Variants in LHFPL3 observed in about 807,000 individuals in gnomAD.
The protein encoded by LHFPL3 is LHFPL tetraspan subfamily member 3, also known as LHFPL tetraspan subfamily member 3 protein.
In LHFPL3, 5 loss-of-function variants were observed where a neutral mutation model predicts 19.3. That is an observed-to-expected ratio of 0.26 (90% CI 0.14 to 0.54). The LOEUF (loss-of-function observed/expected upper bound fraction) is 0.54. Ranked by LOEUF, LHFPL3 falls within the 20% of genes least tolerant of loss-of-function variation. The pLI is 0.94. For missense variants in LHFPL3, 249 were observed against 307.4 expected (o/e 0.81, Z 1.42); for synonymous variants, 133 against 126.2 (o/e 1.05, Z -0.36).
intron 1 of LHFPL3, among the ~76,000 whole-genome samples, chr7:104,709,280 AG>A (rs1462623839): frequency 8.6e-5 from 12 of 138,852 alleles, no homozygotes; most frequent in Admixed American, 2.3e-4. Context: ...TTTCTCGGAG[AG>A]GGGGATTTGG....
chr7:104,461,568 T>C (rs930042859), intron 1 of LHFPL3, among the ~76,000 whole-genome samples: 7 of 152,182 alleles, frequency 4.6e-5, no homozygotes, highest in African/African-American at 1.7e-4. Context: ...TCTATGTGTG[T>C]GTTTTTATAC....
chr7:104,578,253 A>G lies in LHFPL3; in HGVS notation c.446-158422A>G, dbSNP rs76782271. 1.7e-4 allele frequency among the ~76,000 whole-genome samples: 26 copies of G among 152,334 alleles called. No homozygotes were observed. In the East Asian group the frequency reaches 4.8e-3, roughly 28 times the overall value. On this transcript the variant is annotated intron_variant, in intron 1 of 2. Transcript: ENST00000424859. ...TTTTCTCCAGGTGTGGGTAACTCCT[A>G]GAGAGCCCGCTGCTTAGCTGCGCTG...
intron 1 of LHFPL3, among the ~76,000 whole-genome samples, chr7:104,487,731 C>T (rs913908995): frequency 6.6e-6 from 1 of 152,190 alleles, no homozygotes; most frequent in Non-Finnish European, 1.5e-5. Flanking sequence ...TAACATTGAT[C>T]TTTTCTTGTC....
intron 2 of LHFPL3, among the ~76,000 whole-genome samples, chr7:104,784,721 T>C (rs992722579): frequency 3.9e-5 from 6 of 152,214 alleles, no homozygotes; most frequent in Non-Finnish European, 8.8e-5. Context: ...CATTGACAGA[T>C]GAATGAATAA....
At chr7:104,488,362 T>C (rs914164577) in intron 1 of LHFPL3, among the ~76,000 whole-genome samples, 14 of 152,236 alleles carry the variant, frequency 9.2e-5, no homozygotes, top group African/African-American at 3.4e-4. Context: ...TCCCTGTTGC[T>C]CTTTAGGGAG....
At chr7:104,775,267 G>A (rs986558648) in intron 2 of LHFPL3, among the ~76,000 whole-genome samples, 1 of 152,044 alleles carries the variant, frequency 6.6e-6, no homozygotes, top group East Asian at 1.9e-4. Context: ...ATTGTGGCAG[G>A]CGCCTGTAAT....
At chr7:104,652,308 G>A (rs1472940662) in intron 1 of LHFPL3, among the ~76,000 whole-genome samples, 1 of 152,214 alleles carries the variant, frequency 6.6e-6, no homozygotes, top group East Asian at 1.9e-4. Context: ...GCATTGAAGG[G>A]CCAGTGGGGG....
intron 1 of LHFPL3, among the ~76,000 whole-genome samples, chr7:104,586,366 A>G (rs1421641651): frequency 2.6e-5 from 4 of 152,050 alleles, no homozygotes; most frequent in African/African-American, 4.8e-5. Context: ...TATTCCTTCC[A>G]CCCACAAGTT....
chr7:104,617,477 T>C (rs1791368395), intron 1 of LHFPL3, among the ~76,000 whole-genome samples: 1 of 152,218 alleles, frequency 6.6e-6, no homozygotes, highest in South Asian at 2.1e-4. Context: ...AGTATTTTGA[T>C]AGTGGCATCT....
At chr7:104,767,556 C>T (rs1242815193) in intron 2 of LHFPL3, among the ~76,000 whole-genome samples, 2 of 152,174 alleles carry the variant, frequency 1.3e-5, no homozygotes, top group Non-Finnish European at 2.9e-5. Flanking sequence ...CACTTTTCTT[C>T]TTTTATAAAA....
intron 1 of LHFPL3, chr7:104,668,074 A>T (rs1296236098): frequency 6.2e-7 from 1 of 1,613,732 alleles, no homozygotes; most frequent in African/African-American, 1.3e-5. Flanking sequence ...GATGTTACAG[A>T]AGAGTCAATT....
intron 1 of LHFPL3, among the ~76,000 whole-genome samples, chr7:104,556,656 T>C (rs1757492866): frequency 6.6e-6 from 1 of 152,208 alleles, no homozygotes; most frequent in Non-Finnish European, 1.5e-5. Context: ...ATTTTCCCCA[T>C]TGTCTTGGTG....
chr7:104,448,480 A>T (rs1792372879), intron 1 of LHFPL3, among the ~76,000 whole-genome samples: 1 of 152,218 alleles, frequency 6.6e-6, no homozygotes, highest in Non-Finnish European at 1.5e-5. Context: ...ATTGCAGTTC[A>T]TCAAGTAAAT....
At chr7:104,603,166 T>TCTTTCTTTCTTTCTTC (rs1450585390) in intron 1 of LHFPL3, among the ~76,000 whole-genome samples, 459 of 16,450 alleles carry the variant, frequency 0.028, 11 homozygotes, top group Non-Finnish European at 0.24. Flanking sequence ...TTCCTTCCTT[T>TCTTTCTTTCTTTCTTC]CTTTCTTTCT....
At position 104,337,940 on chromosome 7, in the gene LHFPL3, C is replaced by G. The variant is rs1300880194; in HGVS notation, c.445+8716C>G. On this transcript the variant is annotated intron_variant, in intron 1 of 2. Transcript: ENST00000424859. ...CCTTCATAGAGAAAGGAATGCTCTA[C>G]TGTAGTGTTTTAAAAACCATGGTTG... 2.0e-5 allele frequency among the ~76,000 whole-genome samples: 3 copies of G among 152,062 alleles called. No homozygotes were observed. The South Asian group carries it at 6.2e-4, about 32-fold the overall frequency.
chr7:104,660,629 G>A (rs4338030), intron 1 of LHFPL3, among the ~76,000 whole-genome samples: 150,905 of 152,350 alleles, frequency 0.99, 74,745 homozygotes, highest in East Asian at 1. Context: ...CTTCTACTGT[G>A]TATAGAGGCA....
chr7:104,493,967 A>T (rs1793408482), intron 1 of LHFPL3, among the ~76,000 whole-genome samples: 1 of 152,198 alleles, frequency 6.6e-6, no homozygotes. Context: ...AAACATTTCA[A>T]ATTCCTCATT....
chr7:104,861,594 A>C (rs1054843167), intron 2 of LHFPL3, among the ~76,000 whole-genome samples: 4 of 152,084 alleles, frequency 2.6e-5, no homozygotes, highest in Non-Finnish European at 5.9e-5. Context: ...AGCTGTCTGT[A>C]CCTGTGGCTA....
At chr7:104,767,536 AC>A (rs1389246569) in intron 2 of LHFPL3, among the ~76,000 whole-genome samples, 1 of 152,196 alleles carries the variant, frequency 6.6e-6, no homozygotes, top group African/African-American at 2.4e-5. Context: ...AAATTTAGGT[AC>A]CCTGTGTACA....
Sources: gnomAD v4.1 joint callset for allele counts (sites outside exome capture counted in the v4.1 genomes callset) on GRCh38, gnomAD v4.1.1 for gene constraint, MANE v1.5 for transcripts, NCBI Gene and HGNC (gene_info 2026-07-23, HGNC 2026-07-21) for gene names.